The following MOGAT1 variants were observed in gnomAD, a reference collection of about 807,000 sequenced individuals.
The protein encoded by MOGAT1 is 2-acylglycerol O-acyltransferase 1.
Under a neutral mutation model 31.4 loss-of-function variants are expected in MOGAT1, and 32 were observed. The observed-to-expected ratio is 1.02, with a 90% confidence interval of 0.77 to 1.37. The LOEUF is 1.37. MOGAT1 is among the 40% of genes most tolerant of loss of function. MOGAT1 has a pLI of 0.00. For synonymous variants in MOGAT1, 145 were observed against 144.5 expected, an observed-to-expected ratio of 1.00 and a Z score of -0.03; for missense variants, 426 against 402.0, an observed-to-expected ratio of 1.06 and a Z score of -0.51.
chr2:222,704,815 A>G (rs1038979192), intron 5 of MOGAT1, among the ~76,000 whole-genome samples: 1 of 152,146 alleles, frequency 6.6e-6, no homozygotes, highest in African/African-American at 2.4e-5. Context: ...CTTATAATTC[A>G]TCAGGTCTTT....
At chr2:222,687,089 G>A (rs1312766337) in intron 1 of MOGAT1, among the ~76,000 whole-genome samples, 1 of 128,752 alleles carries the variant, frequency 7.8e-6, no homozygotes, top group African/African-American at 3.1e-5. Context: ...ACTCTAGTGT[G>A]GGCAACAGAG....
At chr2:222,700,872 G>C (rs189686252) in intron 5 of MOGAT1, among the ~76,000 whole-genome samples, 2 of 152,288 alleles carry the variant, frequency 1.3e-5, no homozygotes, top group East Asian at 1.9e-4. Flanking sequence ...ACTCCCTGAC[G>C]TGAATTCTCC....
intron 5 of MOGAT1, among the ~76,000 whole-genome samples, chr2:222,701,596 A>AAAAGAGAAAGAAAGGGAGAG (rs763465755): frequency 7.2e-6 from 1 of 138,978 alleles, no homozygotes; most frequent in Admixed American, 7.2e-5. Context: ...GAAAGAAAGA[A>AAAAGAGAAAGAAAGGGAGAG]AGGGAGGGAG....
chr2:222,709,757 G>A lies in MOGAT1; in HGVS notation c.875G>A (p.Arg292His), dbSNP rs767258474. ...HTVVGRPIPV[R>H]QTLNPTQEQI... ...GCAGTTGGCCGCCCGATCCCTGTTCGTCAGACTCTGAACCCGACCCAGGAG... is the reference window on the plus strand; with the variant it reads ...GCAGTTGGCCGCCCGATCCCTGTTCATCAGACTCTGAACCCGACCCAGGAG... The change falls in exon 6 of 6, where the codon CGT (arginine) becomes CAT (histidine). Residue 292 changes from arginine (R) to histidine (H), a missense_variant. Transcript: ENST00000446656. The A allele has an allele frequency of 8.7e-6, 14 of 1,612,954 alleles. No individual in the cohort carries two copies. Among genetic ancestry groups the A allele is most frequent in the South Asian group, 1.1e-5 (1 of 90,978 alleles).
Position 222,709,717 on chromosome 2 carries a change from T to C in MOGAT1, c.854-19T>C. ...AGTGGTTTTAGTTCCTCACGTATGATGTATTCCCTGATTTGCAGTTGGCCG... is the reference window on the plus strand; with the variant it reads ...AGTGGTTTTAGTTCCTCACGTATGACGTATTCCCTGATTTGCAGTTGGCCG... On this transcript the variant is annotated intron_variant, in intron 5 of 5. Transcript: ENST00000446656. The C allele has an allele frequency of 2.5e-6, 4 of 1,611,462 alleles. No homozygotes were observed. The highest frequency in any genetic ancestry group is 3.4e-6 in the Non-Finnish European group (4 of 1,178,752).
At chr2:222,701,275 AGAG>A (rs1319343231) in intron 5 of MOGAT1, among the ~76,000 whole-genome samples, 2 of 105,786 alleles carry the variant, frequency 1.9e-5, no homozygotes, top group African/African-American at 9.0e-5. Context: ...AGAGAGAAAA[AGAG>A]AGAGAGAGAG....
chr2:222,685,117 A>G (rs1444851915), intron 1 of MOGAT1, among the ~76,000 whole-genome samples: 1 of 152,242 alleles, frequency 6.6e-6, no homozygotes, highest in Non-Finnish European at 1.5e-5. Flanking sequence ...GGTCAGCCAT[A>G]TTAAAGAAAC....
chr2:222,682,127 C>T (rs1004147635), intron 1 of MOGAT1, among the ~76,000 whole-genome samples: 5 of 152,164 alleles, frequency 3.3e-5, no homozygotes, highest in Non-Finnish European at 7.4e-5. Context: ...ACCACACACA[C>T]ACACACACAT....
chr2:222,693,762 C>T (rs1442967037), intron 3 of MOGAT1, among the ~76,000 whole-genome samples: 1 of 152,124 alleles, frequency 6.6e-6, no homozygotes, highest in Non-Finnish European at 1.5e-5. Context: ...AACTTGGTCC[C>T]TTCCACGACA....
intron 1 of MOGAT1, among the ~76,000 whole-genome samples, chr2:222,682,274 C>T (rs1692593164): frequency 6.6e-6 from 1 of 152,172 alleles, no homozygotes; most frequent in Non-Finnish European, 1.5e-5. Flanking sequence ...AATCAAAATC[C>T]TACTATCATA....
intron 1 of MOGAT1, among the ~76,000 whole-genome samples, chr2:222,680,713 A>G (rs757257454): frequency 5.9e-5 from 9 of 152,230 alleles, no homozygotes; most frequent in Non-Finnish European, 1.2e-4. Flanking sequence ...AATTTTACTT[A>G]CTTTCTCCAT....
chr2:222,700,851 C>T (rs1461146581), intron 5 of MOGAT1, among the ~76,000 whole-genome samples: 1 of 152,188 alleles, frequency 6.6e-6, no homozygotes, highest in Non-Finnish European at 1.5e-5. Context: ...TGCAGTGTGG[C>T]TTCATTGCTG....
intron 5 of MOGAT1, among the ~76,000 whole-genome samples, chr2:222,703,651 T>C (rs1056676424): frequency 1.3e-5 from 2 of 152,174 alleles, no homozygotes; most frequent in African/African-American, 4.8e-5. Context: ...CTGATTTGCG[T>C]TCCAGCTTCA....
intron 1 of MOGAT1, 150 bp downstream of exon 1, chr2:222,672,029 G>C: frequency 1.6e-6 from 1 of 620,474 alleles, no homozygotes; most frequent in East Asian, 2.8e-5. Flanking sequence ...GAGCTAACGT[G>C]GACTCTGGTT....
At chr2:222,686,443 G>T (rs1472955726) in intron 1 of MOGAT1, among the ~76,000 whole-genome samples, 1 of 152,148 alleles carries the variant, frequency 6.6e-6, no homozygotes, top group Non-Finnish European at 1.5e-5. Flanking sequence ...ATCAAACTTT[G>T]AGTACAAAAG....
At chr2:222,704,626 G>GAA (rs796340274) in intron 5 of MOGAT1, among the ~76,000 whole-genome samples, 12 of 130,980 alleles carry the variant, frequency 9.2e-5, no homozygotes, top group African/African-American at 2.5e-4. Flanking sequence ...TCCGTCTCCA[G>GAA]AAAAAAAAAA....
At chr2:222,702,640 G>A (rs1692943791) in intron 5 of MOGAT1, among the ~76,000 whole-genome samples, 1 of 151,748 alleles carries the variant, frequency 6.6e-6, no homozygotes, top group African/African-American at 2.4e-5. Context: ...AAAAAGATAG[G>A]TAAGGGAATG....
chr2:222,708,376 G>T (rs1693038504), intron 5 of MOGAT1, among the ~76,000 whole-genome samples: 1 of 152,130 alleles, frequency 6.6e-6, no homozygotes, highest in Non-Finnish European at 1.5e-5. Flanking sequence ...GAGACACTGC[G>T]CCCGGCCATC....
chr2:222,687,925 C>T (rs1388043262), intron 1 of MOGAT1, among the ~76,000 whole-genome samples: 1 of 152,148 alleles, frequency 6.6e-6, no homozygotes, highest in African/African-American at 2.4e-5. Flanking sequence ...AGTAGTTAGA[C>T]CTTAACATCA....
Sources: gnomAD v4.1 joint callset for allele counts (sites outside exome capture counted in the v4.1 genomes callset) on GRCh38, gnomAD v4.1.1 for gene constraint, MANE v1.5 for transcripts, NCBI Gene and HGNC (gene_info 2026-07-23, HGNC 2026-07-21) for gene names.